PARD3B: variants seen among roughly 807,000 people sequenced by gnomAD.
The protein encoded by PARD3B is par-3 family cell polarity regulator beta.
Under a neutral mutation model 130.2 loss-of-function variants are expected in PARD3B, and 103 were observed. That is an observed-to-expected ratio of 0.79 (90% CI 0.67 to 0.93). PARD3B has a LOEUF of 0.93. Ranked by LOEUF, PARD3B falls within the 40% of genes least tolerant of loss-of-function variation. The pLI is 0.00. For synonymous variants in PARD3B, 583 were observed against 553.2 expected (o/e 1.05, Z -0.76); for missense variants, 1,609 against 1,499.2 (o/e 1.07, Z -1.21).
chr2:205,355,164 T>C (rs1321333473), intron 18 of PARD3B, among the ~76,000 whole-genome samples: 2 of 152,160 alleles, frequency 1.3e-5, no homozygotes, highest in African/African-American at 2.4e-5. Flanking sequence ...GCTGTTGCTG[T>C]CGTGAAAGGC....
chr2:205,301,599 A>G lies in PARD3B; in HGVS notation c.2528A>G (p.Lys843Arg). The part of the protein sequence containing the change: ...KVKKTKEKEK[K>R]KEKGKLKVKE... ...AAAAAAACGAAAGAGAAGGAGAAGAAAAAGGAAAAGGGCAAATTGAAAGTC... is the reference window on the plus strand; with the variant it reads ...AAAAAAACGAAAGAGAAGGAGAAGAGAAAGGAAAAGGGCAAATTGAAAGTC... The change falls in exon 18 of 23, where the codon AAA (lysine) becomes AGA (arginine). Residue 843 changes from lysine (K) to arginine (R), a missense_variant. By Grantham distance (26) the Lys-to-Arg change is conservative (BLOSUM62 2). Coordinates refer to ENST00000406610, the MANE Select transcript of PARD3B (RefSeq NM_001302769.2). This position sits in a 1 kb window ranked among gnomAD's most constrained non-coding sequence, Gnocchi z 5.2. 1 of 1,614,006 alleles carries G rather than the reference A, an allele frequency of 6.2e-7. No homozygotes were observed. Among genetic ancestry groups the G allele is most frequent in the Non-Finnish European group, 8.5e-7 (1 of 1,179,932 alleles).
chr2:204,950,618 C>A (rs922688453), intron 2 of PARD3B, among the ~76,000 whole-genome samples: 9 of 152,118 alleles, frequency 5.9e-5, no homozygotes, highest in African/African-American at 2.2e-4. Flanking sequence ...GAGATGTTAT[C>A]CTGGAAATCA....
At chr2:204,713,603 T>G (rs971386860) in intron 2 of PARD3B, among the ~76,000 whole-genome samples, 4 of 152,058 alleles carry the variant, frequency 2.6e-5, no homozygotes, top group Non-Finnish European at 5.9e-5. Flanking sequence ...CATTCTCCTT[T>G]TTGTGTCTTT....
rs1026914138 is a variant in PARD3B, at chr2:205,395,268, T to C, written c.2631-5745T>C. Among the ~76,000 whole-genome samples, 13 of 152,304 alleles carry C rather than the reference T, an allele frequency of 8.5e-5. 1 individual carries two copies. The highest frequency in any genetic ancestry group is 2.4e-4 in the African/African-American group (10 of 41,574). On this transcript the variant is annotated intron_variant, in intron 18 of 22. Coordinates refer to ENST00000406610, the MANE Select transcript of PARD3B (RefSeq NM_001302769.2). ...ATGCCTACATGGCTTCTGTTCACACTACTCCGCTGACCCTTGCCAAGGCTA... is the reference window on the plus strand; with the variant it reads ...ATGCCTACATGGCTTCTGTTCACACCACTCCGCTGACCCTTGCCAAGGCTA...
At chr2:205,072,311 G>A (rs1403328529) in intron 4 of PARD3B, among the ~76,000 whole-genome samples, 8 of 150,482 alleles carry the variant, frequency 5.3e-5, no homozygotes, top group South Asian at 2.1e-4. Flanking sequence ...GTGCAATGGC[G>A]CACTCTTGGC....
At chr2:204,718,019 G>A (rs2038816734) in intron 2 of PARD3B, among the ~76,000 whole-genome samples, 1 of 152,084 alleles carries the variant, frequency 6.6e-6, no homozygotes, top group Admixed American at 6.6e-5. Flanking sequence ...GGCTCTTTTG[G>A]TTTCAAGGAA....
chr2:204,647,594 G>C (rs2035319636), intron 1 of PARD3B, among the ~76,000 whole-genome samples: 1 of 151,766 alleles, frequency 6.6e-6, no homozygotes, highest in South Asian at 2.1e-4. Flanking sequence ...CCCTGGAGTG[G>C]TACACTGTGA....
At chr2:205,399,991 A>G (rs1444562119) in intron 18 of PARD3B, among the ~76,000 whole-genome samples, 1 of 152,116 alleles carries the variant, frequency 6.6e-6, no homozygotes, top group East Asian at 1.9e-4. Context: ...GACACCTCTC[A>G]GAGCTTTTGG....
Position 205,407,730 on chromosome 2 carries a change from CAA to C in PARD3B, c.2741+6609_2741+6610del. On this transcript the variant is annotated intron_variant, in intron 19 of 22. Transcript: ENST00000406610. The surrounding 1 kb of genome is among the most constrained non-coding windows in gnomAD (Gnocchi z 4.1). The stretch of plus-strand genomic sequence containing the variant: ...CTGAGAAAAATATCTCCACTGACAC[CAA>C]AGACTGTCTTCCATTGAAGTCCCAT... Among the ~76,000 whole-genome samples the C allele has an allele frequency of 6.6e-6, 1 of 152,102 alleles. No individual in the cohort carries two copies. The highest frequency in any genetic ancestry group is 1.9e-4 in the East Asian group (1 of 5,172).
intron 1 of PARD3B, among the ~76,000 whole-genome samples, chr2:204,591,662 G>A (rs900715411): frequency 1.3e-5 from 2 of 152,166 alleles, no homozygotes; most frequent in Non-Finnish European, 2.9e-5. Context: ...TAAGCAAATG[G>A]TATGTACAAG....
intron 2 of PARD3B, among the ~76,000 whole-genome samples, chr2:204,741,163 T>C (rs2039993937): frequency 6.6e-6 from 1 of 152,150 alleles, no homozygotes; most frequent in Admixed American, 6.5e-5. Flanking sequence ...TAGAATTTTG[T>C]AGAGAGCTAA....
chr2:205,304,590 G>A (rs4675510), intron 18 of PARD3B, among the ~76,000 whole-genome samples: 83,181 of 148,992 alleles, frequency 0.56, 26,771 homozygotes, highest in South Asian at 0.75. Context: ...AGCCAAGATT[G>A]CACCATTGTA....
intron 1 of PARD3B, among the ~76,000 whole-genome samples, chr2:204,648,296 T>C (rs990158956): frequency 2.0e-5 from 3 of 151,358 alleles, no homozygotes; most frequent in East Asian, 3.9e-4. Context: ...ATAAAATGCA[T>C]AAATTTTAAT....
At chr2:205,599,288 C>T (rs2054691529) in intron 22 of PARD3B, among the ~76,000 whole-genome samples, 1 of 152,144 alleles carries the variant, frequency 6.6e-6, no homozygotes, top group Non-Finnish European at 1.5e-5. Flanking sequence ...CATTGAGGCA[C>T]ATGCAAAAAG....
chr2:205,600,847 T>C (rs557520585), intron 22 of PARD3B, among the ~76,000 whole-genome samples: 1 of 152,370 alleles, frequency 6.6e-6, no homozygotes, highest in Admixed American at 6.5e-5. Context: ...TTCCTTTTTA[T>C]GGCTGCATAG....
At chr2:204,819,725 C>T (rs1291741727) in intron 2 of PARD3B, among the ~76,000 whole-genome samples, 2 of 152,142 alleles carry the variant, frequency 1.3e-5, no homozygotes, top group Non-Finnish European at 2.9e-5. Context: ...AAGACTCTTA[C>T]AGTAAACACA....
chr2:205,244,964 G>A lies in PARD3B; in HGVS notation c.2141-814G>A, dbSNP rs557690489. Among the ~76,000 whole-genome samples, 7 of 152,226 alleles carry A rather than the reference G, an allele frequency of 4.6e-5. No individual in the cohort carries two copies. In the East Asian group the frequency reaches 1.4e-3, roughly 29 times the overall value. ...TTGGAATGGTTCTTTGCCAACTCTTGGGTTAATTTTCTTACACACATATGA... is the reference window on the plus strand; with the variant it reads ...TTGGAATGGTTCTTTGCCAACTCTTAGGTTAATTTTCTTACACACATATGA... On this transcript the variant is annotated intron_variant, in intron 15 of 22. Coordinates refer to ENST00000406610, the MANE Select transcript of PARD3B (RefSeq NM_001302769.2). This position sits in a 1 kb window ranked among gnomAD's most constrained non-coding sequence, Gnocchi z 4.7.
chr2:205,273,350 G>A (rs10197562), intron 16 of PARD3B, among the ~76,000 whole-genome samples: 19,664 of 152,130 alleles, frequency 0.13, 1,434 homozygotes, highest in East Asian at 0.24. Context: ...GAAAGAGTTC[G>A]CTCCTTTGTT....
At chr2:204,778,870 A>G (rs1480995677) in intron 2 of PARD3B, among the ~76,000 whole-genome samples, 1 of 151,780 alleles carries the variant, frequency 6.6e-6, no homozygotes, top group East Asian at 1.9e-4. Flanking sequence ...CGATCATGTT[A>G]CTCTCCTACT....
Sources: allele counts gnomAD v4.1 joint callset (sites outside exome capture counted in the v4.1 genomes callset), GRCh38; gene constraint gnomAD v4.1.1; non-coding constraint Gnocchi (gnomAD v3.1); transcripts MANE v1.5; gene names NCBI Gene and HGNC (gene_info 2026-07-23, HGNC 2026-07-21).